UBR3: variants seen among roughly 807,000 people sequenced by gnomAD.
UBR3 encodes E3 ubiquitin-protein ligase UBR3.
UBR3 carries 85 observed loss-of-function variants against 243.2 expected under a neutral mutation model. The observed-to-expected ratio is 0.35, with a 90% confidence interval of 0.29 to 0.42. The LOEUF (loss-of-function observed/expected upper bound fraction) is 0.42, where lower values mean the gene tolerates loss of function less well. UBR3 is among the 10% of genes least tolerant of loss of function. The pLI is 1.00. For missense variants in UBR3, 1,686 were observed against 2,300.8 expected, an observed-to-expected ratio of 0.73 and a Z score of 5.47; for synonymous variants, 748 against 799.8, an observed-to-expected ratio of 0.94 and a Z score of 1.09.
At chr2:169,981,552 G>A (rs2088730905) in intron 24 of UBR3, among the ~76,000 whole-genome samples, 1 of 152,026 alleles carries the variant, frequency 6.6e-6, no homozygotes, top group Non-Finnish European at 1.5e-5. Flanking sequence ...AACTGTCACA[G>A]TTTCTTCTTA....
chr2:170,079,304 G>A (rs1461974630), intron 36 of UBR3, among the ~76,000 whole-genome samples: 1 of 152,118 alleles, frequency 6.6e-6, no homozygotes, highest in Admixed American at 6.5e-5. Flanking sequence ...TTAACAGCTT[G>A]AGGTGCAATG....
chr2:169,882,279 A>G (rs1456961088), intron 5 of UBR3, among the ~76,000 whole-genome samples: 1 of 139,738 alleles, frequency 7.2e-6, no homozygotes, highest in South Asian at 2.1e-4. Flanking sequence ...TGTATATCAT[A>G]TATTTATATA....
At chr2:170,062,914 GA>G (rs2105448176) in intron 35 of UBR3, among the ~76,000 whole-genome samples, 1 of 152,282 alleles carries the variant, frequency 6.6e-6, no homozygotes, top group Non-Finnish European at 1.5e-5. Flanking sequence ...ATGTTGCATA[GA>G]AAGGAACAGT....
chr2:169,989,947 G>A (rs1011234934), intron 25 of UBR3, among the ~76,000 whole-genome samples: 3 of 152,000 alleles, frequency 2.0e-5, no homozygotes, highest in Non-Finnish European at 4.4e-5. Context: ...TACATTTTTT[G>A]GTGTGGCAAG....
At chr2:169,922,038 A>G (rs574740747) in intron 11 of UBR3, among the ~76,000 whole-genome samples, 5 of 151,904 alleles carry the variant, frequency 3.3e-5, no homozygotes, top group South Asian at 4.2e-4. Context: ...TATAATTCCA[A>G]TCCTTTGGGA....
In UBR3 at chr2:170,055,517, C is replaced by T. The variant is rs2091313955; in HGVS notation, c.4718C>T (p.Ala1573Val). 6.2e-7 allele frequency: 1 copy of T among 1,613,730 alleles called. No individual in the cohort carries two copies. The highest frequency in any genetic ancestry group is 8.5e-7 in the Non-Finnish European group (1 of 1,179,738). ...LFTLLYTQAL[A>V]ALSVKCSEED... ...ACCCTACTGTACACACAGGCTCTTGCAGCACTCTCAGTTAAATGCAGCGAA... is the reference window on the plus strand; with the variant it reads ...ACCCTACTGTACACACAGGCTCTTGTAGCACTCTCAGTTAAATGCAGCGAA... Residue 1573 changes from alanine (A) to valine (V), a missense_variant, in exon 33 of 39, where the codon GCA becomes GTA. Around this residue, in one of 8 missense-constraint regions of UBR3, gnomAD observed 371 missense variants for 422.5 expected, o/e 0.88. Coordinates refer to ENST00000272793, the MANE Select transcript of UBR3 (RefSeq NM_172070.4).
chr2:170,034,091 C>G (rs1030627698), intron 31 of UBR3, among the ~76,000 whole-genome samples: 1 of 151,622 alleles, frequency 6.6e-6, no homozygotes, highest in South Asian at 2.1e-4. Flanking sequence ...ATATACTCCC[C>G]ACTGTAACAG....
chr2:169,881,807 T>C (rs1279668426), intron 5 of UBR3, among the ~76,000 whole-genome samples: 2 of 138,060 alleles, frequency 1.4e-5, no homozygotes, highest in African/African-American at 2.6e-5. Context: ...ATTTATGTTA[T>C]AATATACATA....
intron 33 of UBR3, among the ~76,000 whole-genome samples, chr2:170,057,981 CTA>C (rs1204639025): frequency 6.6e-6 from 1 of 152,062 alleles, no homozygotes; most frequent in Non-Finnish European, 1.5e-5. Flanking sequence ...CTGTAATACA[CTA>C]TTTTATGTTA....
At chr2:169,994,249 CT>C in intron 25 of UBR3, 73 bp from the exon 26 acceptor site, 1 of 1,506,190 alleles carries the variant, frequency 6.6e-7, no homozygotes, top group South Asian at 1.3e-5. Context: ...TGGTAAATAA[CT>C]CAGCTTTTCT....
chr2:169,917,901 C>T (rs1376247982), intron 11 of UBR3, among the ~76,000 whole-genome samples: 4 of 152,130 alleles, frequency 2.6e-5, no homozygotes, highest in African/African-American at 9.7e-5. Flanking sequence ...TGGGGTTTCA[C>T]CATGTCAGCC....
chr2:169,983,252 C>CTTTTTTTTTTTTTTTTTTTTTTT (rs72194627), intron 24 of UBR3, among the ~76,000 whole-genome samples: 7 of 71,986 alleles, frequency 9.7e-5, no homozygotes, highest in African/African-American at 4.1e-4. Flanking sequence ...ATTCTCTCTC[C>CTTTTTTTTTTTTTTTTTTTTTTT]TTTTTTTTTT....
chr2:170,060,250 T>TA (rs2091430186), intron 33 of UBR3, among the ~76,000 whole-genome samples: 1 of 152,110 alleles, frequency 6.6e-6, no homozygotes, highest in African/African-American at 2.4e-5. Context: ...TCAGTGAATA[T>TA]AAAAAGAACT....
At chr2:170,075,532 AG>A (rs2091788873) in intron 36 of UBR3, among the ~76,000 whole-genome samples, 1 of 152,212 alleles carries the variant, frequency 6.6e-6, no homozygotes, top group Non-Finnish European at 1.5e-5. Context: ...TCATATAATT[AG>A]GTGATAATTA....
At chr2:169,978,477 G>T (rs548961454) in intron 24 of UBR3, among the ~76,000 whole-genome samples, 3 of 152,242 alleles carry the variant, frequency 2.0e-5, no homozygotes, top group African/African-American at 7.2e-5. Context: ...GTCACATCTT[G>T]CCTCTGGGGA....
intron 25 of UBR3, among the ~76,000 whole-genome samples, chr2:169,988,691 A>G (rs1317532961): frequency 2.0e-5 from 3 of 151,856 alleles, no homozygotes; most frequent in African/African-American, 7.3e-5. Flanking sequence ...GGTCCCAGCT[A>G]CTCAAGAGGC....
intron 36 of UBR3, among the ~76,000 whole-genome samples, chr2:170,075,567 T>C (rs1258960031): frequency 6.6e-6 from 1 of 152,178 alleles, no homozygotes; most frequent in Admixed American, 6.6e-5. Context: ...GTAGTAGACA[T>C]TTGATTAATT....
At chr2:169,958,267 A>T (rs960585006) in intron 23 of UBR3, among the ~76,000 whole-genome samples, 171 bp from the exon 24 acceptor site, 2 of 152,240 alleles carry the variant, frequency 1.3e-5, no homozygotes, top group African/African-American at 4.8e-5. Context: ...TAAAATTAGT[A>T]GAATCCTTTT....
At chr2:170,081,696 A>G in intron 38 of UBR3, 30 bp from the exon 39 acceptor site, 1 of 1,510,404 alleles carries the variant, frequency 6.6e-7, no homozygotes, top group Non-Finnish European at 9.0e-7. Flanking sequence ...CGTGTATGAT[A>G]TTAATACTTT....
Sources: allele counts gnomAD v4.1 joint callset (sites outside exome capture counted in the v4.1 genomes callset), GRCh38; gene constraint gnomAD v4.1.1; regional missense constraint gnomAD v4.1.1; transcripts MANE v1.5; gene names NCBI Gene and HGNC (gene_info 2026-07-23, HGNC 2026-07-21).